TYW1: variants seen among roughly 807,000 people sequenced by gnomAD.
TYW1 encodes tRNA-yW synthesizing protein 1 homolog, also known as S-adenosyl-L-methionine-dependent tRNA 4-demethylwyosine synthase TYW1.
In TYW1, 46 loss-of-function variants were observed where a neutral mutation model predicts 96.2. The ratio of observed to expected loss-of-function variants is 0.48; its 90% CI spans 0.38 to 0.61. TYW1 has a LOEUF of 0.61. Ranked by LOEUF, TYW1 falls within the 20% of genes least tolerant of loss-of-function variation. TYW1 has a pLI of 0.00. For synonymous variants in TYW1, 274 were observed against 323.0 expected (o/e 0.85, Z 1.63); for missense variants, 684 against 909.6 (o/e 0.75, Z 3.19).
At chr7:67,126,855 T>C (rs2116030971) in intron 13 of TYW1, among the ~76,000 whole-genome samples, 1 of 152,364 alleles carries the variant, frequency 6.6e-6, no homozygotes, top group East Asian at 1.9e-4. Context: ...CAATATCACA[T>C]ACATTTCAGG....
chr7:67,022,023 A>G (rs985432664), intron 6 of TYW1, among the ~76,000 whole-genome samples: 13 of 152,092 alleles, frequency 8.5e-5, no homozygotes, highest in Admixed American at 8.5e-4. Flanking sequence ...TGATCCTCCT[A>G]TCTCAGCCTC....
At chr7:67,230,886 C>G (rs2116445337) in intron 15 of TYW1, among the ~76,000 whole-genome samples, 2 of 152,038 alleles carry the variant, frequency 1.3e-5, no homozygotes, top group Middle Eastern at 3.4e-3. Flanking sequence ...ATGATCCACC[C>G]ACCTCGGCCT....
chr7:67,187,439 G>A (rs1290728534), intron 14 of TYW1, among the ~76,000 whole-genome samples: 1 of 152,142 alleles, frequency 6.6e-6, no homozygotes, highest in Non-Finnish European at 1.5e-5. Flanking sequence ...GGCACATTCA[G>A]TCATGTCATA....
intron 15 of TYW1, among the ~76,000 whole-genome samples, chr7:67,203,279 GTA>G (rs1800662116): frequency 6.6e-6 from 1 of 152,112 alleles, no homozygotes; most frequent in African/African-American, 2.4e-5. Context: ...TGTTTGCATG[GTA>G]TATGTTTTTC....
At chr7:67,211,150 TTG>T (rs61112149) in intron 15 of TYW1, among the ~76,000 whole-genome samples, 3,658 of 125,620 alleles carry the variant, frequency 0.029, 175 homozygotes, top group African/African-American at 0.062. Context: ...CCCATCAACA[TTG>T]TGTGTGTGTG....
chr7:67,111,157 A>T (rs1451421722), intron 12 of TYW1, among the ~76,000 whole-genome samples: 1 of 152,086 alleles, frequency 6.6e-6, no homozygotes, highest in Non-Finnish European at 1.5e-5. Context: ...AAGATTTGAC[A>T]TTGGCTATTT....
intron 15 of TYW1, among the ~76,000 whole-genome samples, chr7:67,231,065 AT>A (rs200989444): frequency 0.016 from 2,396 of 150,742 alleles, 31 homozygotes; most frequent in Admixed American, 0.044. Context: ...TATTTAGATG[AT>A]TTTTTTTTGC....
intron 7 of TYW1, among the ~76,000 whole-genome samples, chr7:67,038,561 G>T (rs868691991): frequency 6.7e-6 from 1 of 149,468 alleles, no homozygotes; most frequent in African/African-American, 2.5e-5. Context: ...AGCTATGATC[G>T]CACCACTGCA....
Position 67,183,237 on chromosome 7 carries a change from G to A in TYW1, c.1809+1G>A, listed in dbSNP as rs1290216735. On this transcript the variant is annotated splice_donor_variant, in intron 14 of 15. Transcript: ENST00000359626. LOFTEE classifies it high-confidence loss of function. ...GAATCCTGACTTCATCGAAGTGAAG[G>A]TAAGCCCCTGCTGACTCTGGTGGCT... The A allele has an allele frequency of 3.8e-6, 6 of 1,597,794 alleles. No homozygotes were observed. The highest frequency in any genetic ancestry group is 1.7e-5 in the Admixed American group (1 of 58,250).
chr7:67,084,111 G>A (rs1042619655), intron 11 of TYW1, among the ~76,000 whole-genome samples: 1 of 152,228 alleles, frequency 6.6e-6, no homozygotes, highest in African/African-American at 2.4e-5. Context: ...ACCTGGGAAT[G>A]TACCATCAAT....
chr7:67,167,821 C>T (rs575889762), intron 13 of TYW1, among the ~76,000 whole-genome samples: 5 of 152,128 alleles, frequency 3.3e-5, no homozygotes, highest in African/African-American at 7.2e-5. Flanking sequence ...GTAGCGCGAT[C>T]TCAGTTCACT....
Position 67,113,271 on chromosome 7 carries a change from A to C in TYW1, c.1563-4212A>C, listed in dbSNP as rs538229066. The stretch of plus-strand genomic sequence containing the variant: ...CATCTTCTGTTCCCTCCAGAATGTA[A>C]ATATTAAGGGCTGAGCCTCTTGGCC... On this transcript the variant is annotated intron_variant, in intron 12 of 15. Coordinates refer to ENST00000359626, the MANE Select transcript of TYW1 (RefSeq NM_018264.4). Among the ~76,000 whole-genome samples the C allele has an allele frequency of 1.9e-4, 29 of 151,766 alleles. 1 individual carries two copies. The South Asian group carries it at 5.6e-3, about 30-fold the overall frequency.
chr7:67,176,225 A>C lies in TYW1; in HGVS notation c.1699-6901A>C, dbSNP rs115618670. Among the ~76,000 whole-genome samples the C allele has an allele frequency of 2.3e-3, 348 of 152,356 alleles. 4 individuals are homozygous for C. Among genetic ancestry groups the C allele is most frequent in the African/African-American group, 8.1e-3 (336 of 41,578 alleles). On this transcript the variant is annotated intron_variant, in intron 13 of 15. Transcript: ENST00000359626. ...CTATGGAAAGATGTTTTTGACCTTT[A>C]TATTGAAAACTATAAAATATTATTG...
intron 8 of TYW1, among the ~76,000 whole-genome samples, chr7:67,050,865 T>G (rs2129262024): frequency 6.6e-6 from 1 of 152,342 alleles, no homozygotes; most frequent in South Asian, 2.1e-4. Flanking sequence ...AATAACATTT[T>G]CACGAATAGT....
At chr7:67,059,047 A>AAT (rs397767682) in intron 9 of TYW1, among the ~76,000 whole-genome samples, 2 of 77,578 alleles carry the variant, frequency 2.6e-5, no homozygotes, top group Non-Finnish European at 5.9e-5. Flanking sequence ...ACAGGAAGAC[A>AAT]GTATACTTTT....
At chr7:67,040,571 G>T (rs564024862) in intron 7 of TYW1, among the ~76,000 whole-genome samples, 2 of 151,990 alleles carry the variant, frequency 1.3e-5, no homozygotes, top group Non-Finnish European at 1.5e-5. Flanking sequence ...TTAGCAGGGC[G>T]CAGTGGCTCA....
intron 13 of TYW1, among the ~76,000 whole-genome samples, chr7:67,169,880 T>C (rs538401332): frequency 6.6e-6 from 1 of 152,250 alleles, no homozygotes; most frequent in Non-Finnish European, 1.5e-5. Flanking sequence ...TTCACACTTA[T>C]GAGTAAAATT....
chr7:67,010,477 A>ACTTT (rs901009788), intron 4 of TYW1, among the ~76,000 whole-genome samples: 5 of 135,360 alleles, frequency 3.7e-5, no homozygotes, highest in African/African-American at 1.4e-4. Flanking sequence ...ATTTTAAAAG[A>ACTTT]TTTTTTTTTT....
intron 14 of TYW1, among the ~76,000 whole-genome samples, chr7:67,186,072 A>T (rs1232922899): frequency 6.9e-6 from 1 of 144,020 alleles, no homozygotes; most frequent in Non-Finnish European, 1.5e-5. Flanking sequence ...AGCTCTAATG[A>T]TGCAAAGATA....
Sources: gnomAD v4.1 joint callset for allele counts (sites outside exome capture counted in the v4.1 genomes callset) on GRCh38, gnomAD v4.1.1 for gene constraint, MANE v1.5 for transcripts, NCBI Gene and HGNC (gene_info 2026-07-23, HGNC 2026-07-21) for gene names.